SORCS3: variants seen among roughly 807,000 people sequenced by gnomAD.
SORCS3 encodes sortilin related VPS10 domain containing receptor 3, also known as VPS10 domain-containing receptor SorCS3.
A neutral mutation model predicts 146.3 loss-of-function variants in SORCS3; 57 were observed. The observed-to-expected ratio is 0.39, with a 90% CI of 0.31 to 0.49. The LOEUF (loss-of-function observed/expected upper bound fraction) is 0.49. SORCS3 is among the 20% of genes least tolerant of loss of function. SORCS3 has a pLI of 0.92. For synonymous variants in SORCS3, 653 were observed against 618.5 expected (o/e 1.06, Z -0.83); for missense variants, 1,341 against 1,575.5 (o/e 0.85, Z 2.52).
chr10:105,158,204 C>A (rs2119499566), intron 10 of SORCS3, among the ~76,000 whole-genome samples: 1 of 151,946 alleles, frequency 6.6e-6, no homozygotes. Context: ...TTATTTTAAT[C>A]TGATTTTCTC....
At chr10:105,178,290 A>T in intron 14 of SORCS3, 117 bp downstream of exon 14, 1 of 665,284 alleles carries the variant, frequency 1.5e-6, no homozygotes, top group Non-Finnish European at 2.5e-6. Context: ...CTCTGGGCCA[A>T]AATTTCCTCA....
chr10:104,648,255 G>A (rs1271817200), intron 1 of SORCS3, among the ~76,000 whole-genome samples: 1 of 152,366 alleles, frequency 6.6e-6, no homozygotes, highest in East Asian at 1.9e-4. Context: ...ACTCATGATA[G>A]AGATGAGGAT....
In SORCS3 at chr10:104,909,791, T is replaced by A. The variant is rs1564711127; in HGVS notation, c.696-6042T>A. Reference sequence around the variant, plus strand: ...GCATCGACTGGATGTCTTTTCTGTTTTTTTTTTTTTCTTTTAAAATAGCCC... The same window carrying A: ...GCATCGACTGGATGTCTTTTCTGTTATTTTTTTTTTCTTTTAAAATAGCCC... On this transcript the variant is annotated intron_variant, in intron 2 of 26. Transcript: ENST00000369701. Among the ~76,000 whole-genome samples, 5 of 150,904 alleles carry A rather than the reference T, an allele frequency of 3.3e-5. 1 individual carries two copies. In the South Asian group the frequency reaches 1.0e-3, roughly 32 times the overall value.
intron 1 of SORCS3, among the ~76,000 whole-genome samples, chr10:104,697,170 G>A (rs1271412373): frequency 6.6e-6 from 1 of 152,008 alleles, no homozygotes; most frequent in African/African-American, 2.4e-5. Context: ...ATAAATAAAC[G>A]ATCCCTGATA....
intron 3 of SORCS3, among the ~76,000 whole-genome samples, chr10:104,976,866 G>A (rs539085355): frequency 3.6e-4 from 54 of 151,898 alleles, no homozygotes; most frequent in African/African-American, 4.6e-4. Flanking sequence ...CAATGAGATC[G>A]CATGGACACA....
chr10:104,952,208 T>G (rs1223746314), intron 3 of SORCS3, among the ~76,000 whole-genome samples: 7 of 132,820 alleles, frequency 5.3e-5, no homozygotes, highest in Non-Finnish European at 9.2e-5. Flanking sequence ...GACCCAAATC[T>G]GTGGTTAAGC....
At chr10:104,707,573 T>C (rs1380423752) in intron 1 of SORCS3, among the ~76,000 whole-genome samples, 1 of 152,088 alleles carries the variant, frequency 6.6e-6, no homozygotes, top group Non-Finnish European at 1.5e-5. Context: ...TTGCATATAA[T>C]AGGAGAGAGG....
At chr10:104,724,023 G>C (rs934561183) in intron 1 of SORCS3, among the ~76,000 whole-genome samples, 2 of 152,160 alleles carry the variant, frequency 1.3e-5, no homozygotes, top group African/African-American at 4.8e-5. Context: ...TCATTATGAC[G>C]TTAGCTGGTG....
At position 105,014,082 on chromosome 10, in the gene SORCS3, TACACAC is replaced by T. The variant is rs1554868644; in HGVS notation, c.955-28971_955-28966del. ...ATCTAAATATACATATATATATATA[TACACAC>T]ATATATATACATATATATATACACA... On this transcript the variant is annotated intron_variant, in intron 4 of 26. Transcript: ENST00000369701. Among the ~76,000 whole-genome samples the T allele has an allele frequency of 4.0e-5, 5 of 125,982 alleles. No homozygotes were observed. The East Asian group carries it at 7.4e-4, about 19-fold the overall frequency. The allele number at this position is 125,982 out of a possible 152,430, so 82.6% of individuals were successfully genotyped here.
chr10:104,895,602 G>C (rs1455409471), intron 2 of SORCS3, among the ~76,000 whole-genome samples: 11 of 152,154 alleles, frequency 7.2e-5, no homozygotes, highest in Non-Finnish European at 2.9e-5. Context: ...CTGTGTCTCA[G>C]GGATGTGCAA....
intron 6 of SORCS3, among the ~76,000 whole-genome samples, chr10:105,104,946 A>T (rs1244449578): frequency 6.6e-6 from 1 of 152,032 alleles, no homozygotes; most frequent in Non-Finnish European, 1.5e-5. Context: ...CCTATTTCTA[A>T]TTTTTTACTA....
intron 20 of SORCS3, among the ~76,000 whole-genome samples, chr10:105,224,528 T>G (rs771881331): frequency 2.0e-5 from 3 of 152,200 alleles, no homozygotes; most frequent in Non-Finnish European, 4.4e-5. Flanking sequence ...TTGGCAATAA[T>G]GAATAAAGCT....
chr10:105,190,592 C>T (rs1389430975), intron 14 of SORCS3, among the ~76,000 whole-genome samples: 4 of 152,090 alleles, frequency 2.6e-5, no homozygotes, highest in Non-Finnish European at 4.4e-5. Flanking sequence ...AGAGACGGGA[C>T]GGGGTTTCAC....
At chr10:104,723,130 C>T (rs534430931) in intron 1 of SORCS3, among the ~76,000 whole-genome samples, 67 of 152,268 alleles carry the variant, frequency 4.4e-4, no homozygotes, top group African/African-American at 1.6e-3. Flanking sequence ...CTATAAATTT[C>T]CCTCTACACA....
At chr10:104,817,965 C>T (rs558868370) in intron 1 of SORCS3, among the ~76,000 whole-genome samples, 21 of 152,160 alleles carry the variant, frequency 1.4e-4, no homozygotes, top group South Asian at 2.1e-4. Context: ...TACCTTCCTT[C>T]GCGTCCATCT....
chr10:105,204,239 T>C (rs1469897737), intron 16 of SORCS3, among the ~76,000 whole-genome samples: 4 of 152,150 alleles, frequency 2.6e-5, no homozygotes, highest in African/African-American at 9.7e-5. Context: ...GTTACATCCC[T>C]GGGAGAGAAT....
At chr10:104,902,235 T>G (rs1157403753) in intron 2 of SORCS3, among the ~76,000 whole-genome samples, 1 of 152,196 alleles carries the variant, frequency 6.6e-6, no homozygotes, top group Non-Finnish European at 1.5e-5. Context: ...CCAGTCCTGA[T>G]GATTGTTAAC....
intron 1 of SORCS3, among the ~76,000 whole-genome samples, chr10:104,778,197 G>A (rs1205571656): frequency 6.6e-6 from 1 of 152,186 alleles, no homozygotes; most frequent in African/African-American, 2.4e-5. Flanking sequence ...TTGTATACAT[G>A]TATCAAGATG....
At chr10:104,902,784 T>C (rs886878935) in intron 2 of SORCS3, among the ~76,000 whole-genome samples, 1 of 152,218 alleles carries the variant, frequency 6.6e-6, no homozygotes, top group Non-Finnish European at 1.5e-5. Flanking sequence ...ATAACACTGC[T>C]TGATGGCAAC....
Sources: allele counts gnomAD v4.1 joint callset (sites outside exome capture counted in the v4.1 genomes callset), GRCh38; gene constraint gnomAD v4.1.1; transcripts MANE v1.5; gene names NCBI Gene and HGNC (gene_info 2026-07-23, HGNC 2026-07-21).